FYN: variants seen among roughly 807,000 people sequenced by gnomAD.
FYN encodes tyrosine-protein kinase Fyn.
FYN carries 10 observed loss-of-function variants against 70.2 expected under a neutral mutation model. That is an observed-to-expected ratio of 0.14 (90% confidence interval 0.09 to 0.24). FYN has a LOEUF of 0.24. Ranked by LOEUF, FYN falls within the 10% of genes least tolerant of loss-of-function variation. FYN has a pLI of 1.00. For synonymous variants in FYN, 236 were observed against 248.6 expected, an observed-to-expected ratio of 0.95 and a Z score of 0.48; for missense variants, 319 against 673.1, an observed-to-expected ratio of 0.47 and a Z score of 5.82.
At chr6:111,826,807 T>C (rs1393167134) in intron 2 of FYN, among the ~76,000 whole-genome samples, 1 of 152,226 alleles carries the variant, frequency 6.6e-6, no homozygotes, top group African/African-American at 2.4e-5. Context: ...ATTTAGGCCA[T>C]GTACCGAAAA....
intron 3 of FYN, among the ~76,000 whole-genome samples, chr6:111,746,456 G>A (rs1389238071): frequency 6.6e-6 from 1 of 152,086 alleles, no homozygotes; most frequent in Non-Finnish European, 1.5e-5. Flanking sequence ...ATTTTATGTG[G>A]CAAGTTTTTG....
intron 2 of FYN, among the ~76,000 whole-genome samples, chr6:111,790,211 A>T (rs1771560499): frequency 6.6e-6 from 1 of 150,934 alleles, no homozygotes; most frequent in Non-Finnish European, 1.5e-5. Context: ...TCAAAAAAAA[A>T]TTCTTTTCTT....
At chr6:111,862,479 T>G (rs1354388288) in intron 1 of FYN, among the ~76,000 whole-genome samples, 4 of 152,154 alleles carry the variant, frequency 2.6e-5, no homozygotes, top group Non-Finnish European at 5.9e-5. Flanking sequence ...GCCAGCCTCA[T>G]AGCGCAGATG....
At chr6:111,827,714 A>G (rs1265686188) in intron 2 of FYN, among the ~76,000 whole-genome samples, 1 of 152,214 alleles carries the variant, frequency 6.6e-6, no homozygotes, top group African/African-American at 2.4e-5. Context: ...ACACAATTAC[A>G]GTGTTCACAA....
chr6:111,802,671 C>T (rs976093226), intron 2 of FYN, among the ~76,000 whole-genome samples: 1 of 151,950 alleles, frequency 6.6e-6, no homozygotes, highest in African/African-American at 2.4e-5. Flanking sequence ...TCAAGTGATC[C>T]GCCTGCCTCA....
chr6:111,814,588 T>C (rs1243434500), intron 2 of FYN, among the ~76,000 whole-genome samples: 3 of 152,130 alleles, frequency 2.0e-5, no homozygotes, highest in Admixed American at 2.0e-4. Flanking sequence ...TAGAATAATA[T>C]ATACTGTTAG....
At chr6:111,764,216 C>CAAAACAA (rs1803121631) in intron 3 of FYN, among the ~76,000 whole-genome samples, 1 of 58,382 alleles carries the variant, frequency 1.7e-5, no homozygotes, top group Non-Finnish European at 2.8e-5. Flanking sequence ...TTTTGTCAAG[C>CAAAACAA]AAAAAAAAAA....
chr6:111,865,069 A>G (rs1428776568), intron 1 of FYN, among the ~76,000 whole-genome samples: 1 of 152,218 alleles, frequency 6.6e-6, no homozygotes, highest in East Asian at 1.9e-4. Flanking sequence ...AAAGGAGAAT[A>G]CAAGGCCAGA....
At chr6:111,716,458 C>T (rs1488286060) in intron 4 of FYN, among the ~76,000 whole-genome samples, 1 of 152,078 alleles carries the variant, frequency 6.6e-6, no homozygotes, top group Non-Finnish European at 1.5e-5. Context: ...TTTGTGAAAG[C>T]CCAGGCTGAA....
Position 111,862,682 on chromosome 6 carries a change from T to C in FYN, c.-123+10286A>G, listed in dbSNP as rs1450089481. Among the ~76,000 whole-genome samples, 4 of 152,228 alleles carry C rather than the reference T, an allele frequency of 2.6e-5. No individual in the cohort carries two copies. The East Asian group carries it at 5.8e-4, about 22-fold the overall frequency. On this transcript the variant is annotated intron_variant, in intron 1 of 13. Coordinates refer to ENST00000354650, the MANE Select transcript of FYN (RefSeq NM_002037.5). ...TCTAAGCTAAAGTAGTAACCGGATGTACCAACTTGGGCAAGTTGTAAAAAC... is the reference window on the plus strand; with the variant it reads ...TCTAAGCTAAAGTAGTAACCGGATGCACCAACTTGGGCAAGTTGTAAAAAC...
intron 10 of FYN, among the ~76,000 whole-genome samples, chr6:111,695,631 A>C (rs1425946829): frequency 1.3e-5 from 2 of 152,234 alleles, no homozygotes; most frequent in African/African-American, 4.8e-5. Flanking sequence ...GAAAAATTAC[A>C]CTGGTATCCT....
In FYN at chr6:111,791,707, C is replaced by A. The variant is rs146658203; in HGVS notation, c.-81-11072G>T. Reference sequence around the variant, plus strand: ...AGAGCCTTCATCAGAGAGACCATGACCCTGCTCACACCTCGATTTTGGACT... The same window carrying A: ...AGAGCCTTCATCAGAGAGACCATGAACCTGCTCACACCTCGATTTTGGACT... On this transcript the variant is annotated intron_variant, in intron 2 of 13. Coordinates refer to ENST00000354650, the MANE Select transcript of FYN (RefSeq NM_002037.5). 4.0e-3 allele frequency among the ~76,000 whole-genome samples: 613 copies of A among 152,274 alleles called. 14 individuals carry two copies. The highest frequency in any genetic ancestry group is 1.2e-3 in the Non-Finnish European group (83 of 68,016).
At chr6:111,692,268 A>C (rs1032315944) in intron 12 of FYN, among the ~76,000 whole-genome samples, 4 of 152,302 alleles carry the variant, frequency 2.6e-5, no homozygotes, top group South Asian at 4.1e-4. Flanking sequence ...ACGCAGTACA[A>C]AGGCTAAAAG....
chr6:111,866,129 G>A (rs1376754342), intron 1 of FYN, among the ~76,000 whole-genome samples: 2 of 152,124 alleles, frequency 1.3e-5, no homozygotes, highest in Non-Finnish European at 2.9e-5. Flanking sequence ...AACAACAGCA[G>A]CAAACACATA....
chr6:111,831,295 C>T (rs1327350006), intron 2 of FYN, among the ~76,000 whole-genome samples: 2 of 152,152 alleles, frequency 1.3e-5, no homozygotes, highest in Non-Finnish European at 2.9e-5. Flanking sequence ...ATAACTGTTA[C>T]TATTCTATCA....
intron 1 of FYN, among the ~76,000 whole-genome samples, chr6:111,864,124 G>C (rs1444999794): frequency 1.3e-5 from 2 of 152,158 alleles, no homozygotes; most frequent in African/African-American, 2.4e-5. Context: ...AATATATTCT[G>C]TTTGTCACTC....
At chr6:111,815,372 G>GA (rs1463940445) in intron 2 of FYN, among the ~76,000 whole-genome samples, 3 of 152,174 alleles carry the variant, frequency 2.0e-5, no homozygotes, top group African/African-American at 2.4e-5. Flanking sequence ...AGGAGGAACT[G>GA]AAATGTTTGT....
intron 3 of FYN, among the ~76,000 whole-genome samples, chr6:111,771,233 C>A (rs1436296950): frequency 2.6e-5 from 4 of 152,098 alleles, no homozygotes; most frequent in African/African-American, 9.7e-5. Flanking sequence ...GTTCCTGTGA[C>A]ATGTTAACAC....
intron 13 of FYN, 73 bp from the exon 14 acceptor site, chr6:111,662,020 T>TTTC: frequency 7.9e-7 from 1 of 1,259,004 alleles, no homozygotes; most frequent in Non-Finnish European, 1.1e-6. Flanking sequence ...GCAGATCCCC[T>TTTC]TTCTTCTTCT....
Sources: allele counts gnomAD v4.1 joint callset (sites outside exome capture counted in the v4.1 genomes callset), GRCh38; gene constraint gnomAD v4.1.1; transcripts MANE v1.5; gene names NCBI Gene and HGNC (gene_info 2026-07-23, HGNC 2026-07-21).